The following MGAT4C variants were observed in gnomAD, a reference collection of about 807,000 sequenced individuals.
The protein encoded by MGAT4C is MGAT4 family member C.
Under a neutral mutation model 40.1 loss-of-function variants are expected in MGAT4C, and 19 were observed. The observed-to-expected ratio is 0.47, with a 90% CI of 0.33 to 0.70. The LOEUF (loss-of-function observed/expected upper bound fraction) is 0.70. MGAT4C is among the 30% of genes least tolerant of loss of function. The probability of loss-of-function intolerance (pLI) is 0.02; values close to 1 mark genes in which losing one functional copy is unlikely to be tolerated. For missense variants in MGAT4C, 491 were observed against 563.2 expected (o/e 0.87, Z 1.30); for synonymous variants, 181 against 187.1 (o/e 0.97, Z 0.27).
chr12:86,584,875 T>G (rs779202185), intron 2 of MGAT4C, among the ~76,000 whole-genome samples: 20 of 143,660 alleles, frequency 1.4e-4, no homozygotes, highest in Admixed American at 7.3e-4. Context: ...TCATTGATAG[T>G]CATTTGCATT....
At chr12:86,581,421 G>T (rs1960773816) in intron 2 of MGAT4C, among the ~76,000 whole-genome samples, 1 of 151,408 alleles carries the variant, frequency 6.6e-6, no homozygotes, top group Non-Finnish European at 1.5e-5. Flanking sequence ...GTAAGCATTT[G>T]CATTCCCATA....
At chr12:86,091,895 T>C (rs1872956834) in intron 1 of MGAT4C, among the ~76,000 whole-genome samples, 1 of 152,090 alleles carries the variant, frequency 6.6e-6, no homozygotes, top group South Asian at 2.1e-4. Context: ...CTTCCCTTTA[T>C]CTAATAACAG....
In MGAT4C at chr12:86,631,113, GACAA is replaced by G. The variant is rs544849656; in HGVS notation, c.-229+96092_-229+96095del. The stretch of plus-strand genomic sequence containing the variant: ...CAAGCATTCTTATACACCAACAACA[GACAA>G]ACAGAGAGCCAAATCATGAATGAAC... On this transcript the variant is annotated intron_variant, in intron 2 of 7. Coordinates refer to the MGAT4C transcript ENST00000548651. 1.1e-4 allele frequency among the ~76,000 whole-genome samples: 16 copies of G among 152,116 alleles called. 1 individual carries two copies. In the South Asian group the frequency reaches 2.7e-3, roughly 26 times the overall value.
At chr12:86,508,107 T>C (rs1958503886) in intron 2 of MGAT4C, among the ~76,000 whole-genome samples, 1 of 152,162 alleles carries the variant, frequency 6.6e-6, no homozygotes, top group Admixed American at 6.6e-5. Flanking sequence ...GTGCACAATG[T>C]GCAGGTTAGT....
chr12:86,829,781 A>G (rs1433386325), intron 1 of MGAT4C, among the ~76,000 whole-genome samples: 4 of 150,702 alleles, frequency 2.7e-5, no homozygotes, highest in East Asian at 2.0e-4. Context: ...TGTCTCTTAC[A>G]TTACAGAGCT....
intron 1 of MGAT4C, among the ~76,000 whole-genome samples, chr12:86,204,958 A>G (rs1456352219): frequency 6.6e-6 from 1 of 152,106 alleles, no homozygotes; most frequent in Non-Finnish European, 1.5e-5. Flanking sequence ...AGTAAGTTAT[A>G]TGTTAAGAAT....
At chr12:86,221,458 T>C (rs1042983559) in intron 1 of MGAT4C, among the ~76,000 whole-genome samples, 7 of 152,078 alleles carry the variant, frequency 4.6e-5, no homozygotes, top group African/African-American at 1.7e-4. Context: ...TGATGGAGAG[T>C]AGCATCATGC....
At chr12:86,029,597 C>T (rs574240551) in intron 2 of MGAT4C, among the ~76,000 whole-genome samples, 1 of 151,868 alleles carries the variant, frequency 6.6e-6, no homozygotes, top group Non-Finnish European at 1.5e-5. Context: ...GGAGAACCTG[C>T]TTAAATATTT....
chr12:86,104,388 C>T (rs184755525), intron 1 of MGAT4C, among the ~76,000 whole-genome samples: 5 of 152,078 alleles, frequency 3.3e-5, no homozygotes, highest in Admixed American at 2.6e-4. Context: ...TACAGTGAGC[C>T]GAGATAGTGC....
chr12:85,982,279 A>G (rs1176614885), intron 4 of MGAT4C, among the ~76,000 whole-genome samples: 2 of 152,184 alleles, frequency 1.3e-5, no homozygotes, highest in Admixed American at 1.3e-4. Context: ...TCCCAGGTTC[A>G]GGCGATTCTT....
At chr12:86,683,676 T>A (rs115301057) in intron 2 of MGAT4C, among the ~76,000 whole-genome samples, 4,743 of 152,238 alleles carry the variant, frequency 0.031, 121 homozygotes, top group African/African-American at 0.074. Context: ...GACAAAATCT[T>A]CCTATATTTC....
chr12:86,197,513 C>T (rs1416717521), intron 1 of MGAT4C, among the ~76,000 whole-genome samples: 1 of 152,154 alleles, frequency 6.6e-6, no homozygotes, highest in Non-Finnish European at 1.5e-5. Flanking sequence ...CTCTTGCCCT[C>T]TTTCTGCCAT....
rs1236481731 is a variant in MGAT4C, at chr12:86,193,247, T to G, written c.-57+62992A>C. ...TATTTTCCACTTTATTAGCTTATTT[T>G]TACAATATTTTGCCTTTACTTTTAG... is the stretch of plus-strand genomic sequence containing the variant. On this transcript the variant is annotated intron_variant, in intron 1 of 4. Coordinates refer to ENST00000611864, the MANE Select transcript of MGAT4C (RefSeq NM_001351288.2). 2.0e-5 allele frequency among the ~76,000 whole-genome samples: 3 copies of G among 152,084 alleles called. No homozygotes were observed. In the East Asian group the frequency reaches 5.8e-4, roughly 29 times the overall value.
At chr12:86,590,955 T>C (rs1961306160) in intron 2 of MGAT4C, among the ~76,000 whole-genome samples, 1 of 152,064 alleles carries the variant, frequency 6.6e-6, no homozygotes. Context: ...AGAAAGTTTA[T>C]GGCCAATCAA....
In MGAT4C at chr12:86,208,777, A is replaced by T. The variant is rs967803781; in HGVS notation, c.-57+47462T>A. Among the ~76,000 whole-genome samples the T allele has an allele frequency of 3.9e-5, 6 of 152,298 alleles. No individual in the cohort carries two copies. The South Asian group carries it at 6.2e-4, about 16-fold the overall frequency. ...TTTTGAAGAGTAAATATCTGGATTC[A>T]ACATAATCCCCAAATTCCAAATTCT... On this transcript the variant is annotated intron_variant, in intron 1 of 4. Transcript: ENST00000611864.
intron 2 of MGAT4C, among the ~76,000 whole-genome samples, chr12:86,455,154 G>C (rs1201805024): frequency 6.6e-6 from 1 of 152,104 alleles, no homozygotes; most frequent in Admixed American, 6.6e-5. Context: ...AGTGGTGTTA[G>C]TAAATGTGTT....
At chr12:85,999,083 G>A (rs1053145003) in intron 2 of MGAT4C, among the ~76,000 whole-genome samples, 2 of 152,114 alleles carry the variant, frequency 1.3e-5, no homozygotes, top group South Asian at 2.1e-4. Flanking sequence ...TGTCTTACAT[G>A]GATGGCAACA....
chr12:86,694,211 G>C (rs1410719671), intron 2 of MGAT4C, among the ~76,000 whole-genome samples: 1 of 151,934 alleles, frequency 6.6e-6, no homozygotes, highest in African/African-American at 2.4e-5. Context: ...CTCTGCCCTA[G>C]TTACCACCTC....
At chr12:86,394,185 T>C (rs189033461) in intron 3 of MGAT4C, among the ~76,000 whole-genome samples, 2 of 152,186 alleles carry the variant, frequency 1.3e-5, no homozygotes, top group African/African-American at 2.4e-5. Context: ...GGGGAATGTA[T>C]GCCTTCTTAA....
Sources: gnomAD v4.1 joint callset for allele counts (sites outside exome capture counted in the v4.1 genomes callset) on GRCh38, gnomAD v4.1.1 for gene constraint, MANE v1.5 for transcripts, NCBI Gene and HGNC (gene_info 2026-07-23, HGNC 2026-07-21) for gene names.